Variants in KCTD17 observed in about 807,000 individuals in gnomAD.
KCTD17 encodes the protein potassium channel tetramerization domain containing 17, also known as BTB/POZ domain-containing protein KCTD17.
A neutral mutation model predicts 41.5 loss-of-function variants in KCTD17; 20 were observed. The ratio of observed to expected loss-of-function variants is 0.48; its 90% CI spans 0.34 to 0.70. The LOEUF (loss-of-function observed/expected upper bound fraction) is 0.70. Among genes scored for constraint, KCTD17 ranks in the 30% least tolerant of loss-of-function variants. The probability of loss-of-function intolerance (pLI) is 0.01; values close to 1 mark genes in which losing one functional copy is unlikely to be tolerated. For missense variants in KCTD17, 317 were observed against 427.2 expected, an observed-to-expected ratio of 0.74 and a Z score of 2.27; for synonymous variants, 156 against 173.8, an observed-to-expected ratio of 0.90 and a Z score of 0.80.
chr22:37,059,660 G>A (rs563508236), intron 5 of KCTD17: 17 of 612,990 alleles, frequency 2.8e-5, no homozygotes, highest in East Asian at 5.7e-5. Context: ...GGGTGCAGCC[G>A]GCGTGGACTC....
rs772567213 is a variant in KCTD17 at position 37,053,180 on chromosome 22, G to A, written c.270G>A (p.Leu90=). ...PILNFLRHGK[L]VLDKDMAEEG... The stretch of plus-strand genomic sequence containing the variant: ...TGAACTTCCTCCGGCATGGCAAGCT[G>A]GTGCTGGACAAGGACATGGCTGAGG... Residue 90 remains leucine, a synonymous_variant, in exon 2 of 9, where the codon CTG becomes CTA. Coordinates refer to ENST00000403888, the MANE Select transcript of KCTD17 (RefSeq NM_001282684.2). This position sits in a 1 kb window ranked among gnomAD's most constrained non-coding sequence, Gnocchi z 4.1. 6.2e-7 allele frequency: 1 copy of A among 1,605,932 alleles called. No homozygotes were observed. Among genetic ancestry groups the A allele is most frequent in the South Asian group, 1.1e-5 (1 of 88,952 alleles).
intron 2 of KCTD17, among the ~76,000 whole-genome samples, chr22:37,054,290 A>C (rs1352322996): frequency 6.6e-6 from 1 of 152,170 alleles, no homozygotes; most frequent in Non-Finnish European, 1.5e-5. Flanking sequence ...TAAACACCCC[A>C]GCTGCGTCGC....
chr22:37,061,665 G>A lies in KCTD17; in HGVS notation c.875+36G>A, dbSNP rs1232238991. 6.4e-7 allele frequency: 1 copy of A among 1,563,410 alleles called. No individual in the cohort carries two copies. Among genetic ancestry groups the A allele is most frequent in the Non-Finnish European group, 8.6e-7 (1 of 1,161,120 alleles). ...TGGCGGTGCTGGAGGGAGGGGTGGA[G>A]CGAGGAGGGTGCTCATCTCTTGATC... On this transcript the variant is annotated intron_variant, in intron 8 of 8. Coordinates refer to ENST00000403888, the MANE Select transcript of KCTD17 (RefSeq NM_001282684.2). The surrounding 1 kb of genome is among the most constrained non-coding windows in gnomAD (Gnocchi z 6.6).
At chr22:37,052,012 G>A in intron 1 of KCTD17, 63 bp downstream of exon 1, 1 of 1,304,520 alleles carries the variant, frequency 7.7e-7, no homozygotes, top group South Asian at 2.0e-5. Context: ...ACGCGGGGCT[G>A]TCGGGCCTGG....
intron 3 of KCTD17, 25 bp from the exon 4 acceptor site, chr22:37,057,373 C>T (rs1925261234): frequency 6.2e-7 from 1 of 1,601,760 alleles, no homozygotes; most frequent in Non-Finnish European, 8.6e-7. Flanking sequence ...CACAGGTGCC[C>T]TCTATGTGAC....
chr22:37,058,442 C>T (rs1925389914), intron 4 of KCTD17, among the ~76,000 whole-genome samples: 1 of 152,220 alleles, frequency 6.6e-6, no homozygotes, highest in Non-Finnish European at 1.5e-5. Context: ...ATTAGAAGGG[C>T]CATCAGTAAA....
At chr22:37,057,556 C>T in intron 4 of KCTD17, 63 bp downstream of exon 4, 2 of 1,305,208 alleles carry the variant, frequency 1.5e-6, no homozygotes, top group Non-Finnish European at 2.2e-6. Flanking sequence ...TCTGACCAAG[C>T]AGGCCCCTCC....
rs1336219256 is a variant in KCTD17 at position 37,060,871 on chromosome 22, G to C, written c.661G>C (p.Glu221Gln). The C allele has an allele frequency of 3.3e-6, 5 of 1,537,154 alleles. No individual in the cohort carries two copies. Among genetic ancestry groups the C allele is most frequent in the South Asian group, 1.2e-5 (1 of 80,802 alleles). Reference sequence around the variant, plus strand: ...GCAGCAGCAGCAGGAGGAGGAGGTGGAGGAGGTGGAGGTGGAACAGGTGCA... The same window carrying C: ...GCAGCAGCAGCAGGAGGAGGAGGTGCAGGAGGTGGAGGTGGAACAGGTGCA... ...EEQQQQEEEV[E>Q]EVEVEQVQVE... Residue 221 changes from glutamate to glutamine, a missense_variant, in exon 6 of 9, where the codon GAG becomes CAG. By Grantham distance (29) the Glu-to-Gln change is conservative. Coordinates refer to ENST00000403888, the MANE Select transcript of KCTD17 (RefSeq NM_001282684.2).
chr22:37,059,499 G>T (rs752103330), intron 5 of KCTD17, 61 bp downstream of exon 5: 1 of 1,508,390 alleles, frequency 6.6e-7, no homozygotes, highest in Admixed American at 1.8e-5. Context: ...CACCCTCCCC[G>T]CCTGTCCCGC....
chr22:37,059,522 A>T (rs1925532625), intron 5 of KCTD17, 84 bp downstream of exon 5: 1 of 1,475,402 alleles, frequency 6.8e-7, no homozygotes, highest in South Asian at 1.3e-5. Flanking sequence ...CTGCGCCTGC[A>T]CCATCCCTCC....
chr22:37,052,248 T>C, intron 1 of KCTD17: 2 of 425,710 alleles, frequency 4.7e-6, no homozygotes, highest in Non-Finnish European at 8.8e-6. Flanking sequence ...ACCTGGGACC[T>C]TTCCTCCCTC....
chr22:37,056,298 G>C (rs1925102503), intron 2 of KCTD17, 22 bp from the exon 3 acceptor site: 2 of 1,604,454 alleles, frequency 1.2e-6, no homozygotes, highest in Non-Finnish European at 1.7e-6. Flanking sequence ...GAGTGACCTG[G>C]GATCTGTTCT....
chr22:37,060,875 AGGTGGAGGT>A lies in KCTD17; in HGVS notation c.668_676del (p.Val223_Val225del). On this transcript the variant is annotated inframe_deletion, in exon 6 of 9. Coordinates refer to ENST00000403888, the MANE Select transcript of KCTD17 (RefSeq NM_001282684.2). ...CAGCAGCAGGAGGAGGAGGTGGAGGAGGTGGAGGTGGAACAGGTGCAGGTGGAGGCAGAT... is the reference window on the plus strand; with the variant it reads ...CAGCAGCAGGAGGAGGAGGTGGAGGAGGAACAGGTGCAGGTGGAGGCAGAT... 3 of 1,537,420 alleles carry A rather than the reference AGGTGGAGGT, an allele frequency of 2.0e-6. No individual in the cohort carries two copies. Among genetic ancestry groups the A allele is most frequent in the Non-Finnish European group, 2.6e-6 (3 of 1,140,010 alleles).
Position 37,053,145 on chromosome 22 carries a change from G to T in KCTD17, c.235G>T (p.Gly79Trp). 6.2e-7 allele frequency: 1 copy of T among 1,604,154 alleles called. No homozygotes were observed. Among genetic ancestry groups the T allele is most frequent in the Non-Finnish European group, 8.5e-7 (1 of 1,175,644 alleles). The change falls in exon 2 of 9, where the codon GGG (glycine) becomes TGG (tryptophan). Residue 79 changes from glycine to tryptophan, a missense_variant. By Grantham distance (184) the Gly-to-Trp change is radical. Transcript: ENST00000403888. This position sits in a 1 kb window ranked among gnomAD's most constrained non-coding sequence, Gnocchi z 4.1. ...CATTGACCGTGACCCCACCTACTTC[G>T]GGCCCATCCTGAACTTCCTCCGGCA... ...YLIDRDPTYFGPILNFLRHGK... is the reference protein window; with the variant it reads ...YLIDRDPTYFWPILNFLRHGK...
chr22:37,052,836 G>T lies in KCTD17; in HGVS notation c.190-264G>T, dbSNP rs115868224. ...GTTGCCACTCAGACATCCTCTCACC[G>T]GATGCTCACAGCAAACCCTGATTAG... is the stretch of plus-strand genomic sequence containing the variant. On this transcript the variant is annotated intron_variant, in intron 1 of 8. Coordinates refer to ENST00000403888, the MANE Select transcript of KCTD17 (RefSeq NM_001282684.2). 5.0e-3 allele frequency among the ~76,000 whole-genome samples: 764 copies of T among 152,306 alleles called. 6 individuals are homozygous for T. The highest frequency in any genetic ancestry group is 0.017 in the African/African-American group (721 of 41,548).
chr22:37,052,392 C>G, intron 1 of KCTD17: 1 of 395,242 alleles, frequency 2.5e-6, no homozygotes, highest in South Asian at 1.8e-5. Context: ...CGGGCTGAAT[C>G]TAGAAGGAGC....
At chr22:37,056,127 C>G (rs757677254) in intron 2 of KCTD17, among the ~76,000 whole-genome samples, 193 bp from the exon 3 acceptor site, 3 of 152,170 alleles carry the variant, frequency 2.0e-5, no homozygotes, top group Non-Finnish European at 2.9e-5. Flanking sequence ...AGCCCCTCAG[C>G]CCCTTCCACA....
At position 37,053,599 on chromosome 22, in the gene KCTD17, T is replaced by C. The variant is rs1344378276; in HGVS notation, c.298+391T>C. 2.0e-5 allele frequency among the ~76,000 whole-genome samples: 3 copies of C among 152,190 alleles called. No homozygotes were observed. Among genetic ancestry groups the C allele is most frequent in the Non-Finnish European group, 4.4e-5 (3 of 68,034 alleles). ...GTTGACAGGCATGGGGAGAGCTCTG[T>C]CTCTCTTTCTCTGGCTGATCCAGTA... On this transcript the variant is annotated intron_variant, in intron 2 of 8. Coordinates refer to ENST00000403888, the MANE Select transcript of KCTD17 (RefSeq NM_001282684.2). The surrounding 1 kb of genome is among the most constrained non-coding windows in gnomAD (Gnocchi z 4.1).
At chr22:37,062,479 C>T (rs1925908197) in intron 8 of KCTD17, 46 bp from the exon 9 acceptor site, 1 of 1,586,490 alleles carries the variant, frequency 6.3e-7, no homozygotes, top group South Asian at 1.1e-5. Context: ...ACCGGCCCCA[C>T]CTCCGCCCCT....
Sources: gnomAD v4.1 joint callset for allele counts (sites outside exome capture counted in the v4.1 genomes callset) on GRCh38, gnomAD v4.1.1 for gene constraint, Gnocchi (gnomAD v3.1) non-coding constraint, MANE v1.5 for transcripts, NCBI Gene and HGNC (gene_info 2026-07-23, HGNC 2026-07-21) for gene names.